The following ZNF133 variants were observed in gnomAD, a reference collection of about 807,000 sequenced individuals.
The protein encoded by ZNF133 is zinc finger protein 133.
In ZNF133, 26 loss-of-function variants were observed where a neutral mutation model predicts 54.9. The observed-to-expected ratio is 0.47, with a 90% CI of 0.35 to 0.66. The LOEUF is 0.66. ZNF133 is among the 30% of genes least tolerant of loss of function. The probability of loss-of-function intolerance (pLI) is 0.01; values close to 1 mark genes in which losing one functional copy is unlikely to be tolerated. For missense variants in ZNF133, 653 were observed against 820.8 expected (o/e 0.80, Z 2.50); for synonymous variants, 298 against 320.3 (o/e 0.93, Z 0.74).
chr20:18,311,975 T>G (rs1314276808), intron 6 of ZNF133, among the ~76,000 whole-genome samples: 1 of 152,224 alleles, frequency 6.6e-6, no homozygotes, highest in East Asian at 1.9e-4. Flanking sequence ...TCCAAAATGC[T>G]TAGGACCATA....
chr20:18,306,448 G>C (rs1005977174), intron 6 of ZNF133, 55 bp downstream of exon 6: 114 of 1,554,682 alleles, frequency 7.3e-5, no homozygotes, highest in Non-Finnish European at 9.4e-5. Flanking sequence ...TCAGAGGACT[G>C]GGGGAGAGGA....
intron 6 of ZNF133, among the ~76,000 whole-genome samples, chr20:18,312,075 A>G (rs560959868): frequency 1.3e-5 from 2 of 152,330 alleles, no homozygotes; most frequent in Admixed American, 6.5e-5. Context: ...TATCTTGGGT[A>G]TAGGACCCTA....
At position 18,308,094 on chromosome 20, in the gene ZNF133, T is replaced by A. The variant is rs6132045; in HGVS notation, c.217+1701T>A. Among the ~76,000 whole-genome samples the A allele has an allele frequency of 1.8e-3, 272 of 152,294 alleles. 5 individuals are homozygous for A. In the East Asian group the frequency reaches 0.05, roughly 28 times the overall value. On this transcript the variant is annotated intron_variant, in intron 6 of 6. Coordinates refer to ENST00000425686, the MANE Select transcript of ZNF133 (RefSeq NM_001352452.2). Reference sequence around the variant, plus strand: ...TTACTAGTGGTTACCTCTGTGGGGATAGAATTGGGGAGGGTTGGACAAGGG... The same window carrying A: ...TTACTAGTGGTTACCTCTGTGGGGAAAGAATTGGGGAGGGTTGGACAAGGG...
At chr20:18,298,576 T>A (rs2042700206) in intron 3 of ZNF133, 112 bp downstream of exon 3, 1 of 154,016 alleles carries the variant, frequency 6.5e-6, no homozygotes, top group Admixed American at 6.5e-5. Context: ...TCTGCATGGC[T>A]TGTGGGAGAC....
At chr20:18,311,813 G>A (rs2046058155) in intron 6 of ZNF133, among the ~76,000 whole-genome samples, 1 of 152,162 alleles carries the variant, frequency 6.6e-6, no homozygotes, top group Admixed American at 6.5e-5. Context: ...TTTGAGTAAA[G>A]TAATTGTAGA....
chr20:18,300,296 C>T (rs1233729773), intron 3 of ZNF133, among the ~76,000 whole-genome samples: 1 of 152,016 alleles, frequency 6.6e-6, no homozygotes, highest in South Asian at 2.1e-4. Flanking sequence ...AAGTGTAATC[C>T]CCTTGGTTAC....
At position 18,315,052 on chromosome 20, in the gene ZNF133, C is replaced by T. The variant is rs769801007; in HGVS notation, c.218-17C>T. 6.6e-7 allele frequency: 1 copy of T among 1,519,284 alleles called. No individual in the cohort carries two copies. Among genetic ancestry groups the T allele is most frequent in the Admixed American group, 2.2e-5 (1 of 45,096 alleles). 94.1% of individuals were successfully genotyped at this position (1,519,284 alleles called of 1,614,324 possible). A position where few individuals can be genotyped will look rare whatever the true frequency, so the allele number is the denominator to read the frequency against. On this transcript the variant is annotated splice_polypyrimidine_tract_variant and intron_variant, in intron 6 of 6. Coordinates refer to ENST00000425686, the MANE Select transcript of ZNF133 (RefSeq NM_001352452.2). ...CCACTGAGGACTCAGTTGTGACTCA[C>T]ACTTTTCTCTCTGCAGCAGATCCAG...
intron 1 of ZNF133, among the ~76,000 whole-genome samples, chr20:18,297,151 A>T (rs1184518513): frequency 6.6e-6 from 1 of 152,134 alleles, no homozygotes; most frequent in African/African-American, 2.4e-5. Flanking sequence ...AATTATATGA[A>T]TATTACTTCT....
At chr20:18,310,101 A>C (rs2045533120) in intron 6 of ZNF133, 1 of 1,246,078 alleles carries the variant, frequency 8.0e-7, no homozygotes, top group African/African-American at 1.5e-5. Flanking sequence ...CAAGCAGCTT[A>C]CCTATCATTG....
chr20:18,315,142 G>T lies in ZNF133; in HGVS notation c.291G>T (p.Gln97His). ...PGFSSQKFPM[Q>H]HVLCNHPPWI... ...TCTCCAGTCAGAAATTCCCCATGCA[G>T]CATGTGCTGTGTAATCATCCCCCCT... The change falls in exon 7 of 7, where the codon CAG becomes CAT. Residue 97 changes from glutamine to histidine, a missense_variant. Transcript: ENST00000425686. The T allele has an allele frequency of 6.2e-7, 1 of 1,602,110 alleles. No homozygotes were observed. The highest frequency in any genetic ancestry group is 8.5e-7 in the Non-Finnish European group (1 of 1,173,164).
intron 6 of ZNF133, 75 bp from the exon 7 acceptor site, chr20:18,314,994 A>C (rs1353092634): frequency 1.0e-5 from 15 of 1,448,498 alleles, no homozygotes; most frequent in Non-Finnish European, 1.3e-5. Flanking sequence ...TTTGAAGCCT[A>C]GGGGATCTGA....
At chr20:18,310,321 T>A (rs773809962) in intron 6 of ZNF133, 290 of 1,529,988 alleles carry the variant, frequency 1.9e-4, no homozygotes, top group Non-Finnish European at 2.4e-4. Context: ...AAAATACATC[T>A]TAACGGTTTC....
chr20:18,291,341 T>C (rs1389938180), intron 1 of ZNF133, among the ~76,000 whole-genome samples: 1 of 152,258 alleles, frequency 6.6e-6, no homozygotes, highest in Non-Finnish European at 1.5e-5. Context: ...GGGTTACCAA[T>C]GGTCTCCTTG....
chr20:18,298,625 G>T lies in ZNF133; in HGVS notation c.-178+161G>T, dbSNP rs571807074. ...AGGACCCTTTACTCCAAATATTGAG[G>T]ATCTGTGTTCTGATTGTTAATTGCT... On this transcript the variant is annotated intron_variant, in intron 3 of 6. Coordinates refer to ENST00000425686, the MANE Select transcript of ZNF133 (RefSeq NM_001352452.2). 2.0e-5 allele frequency among the ~76,000 whole-genome samples: 3 copies of T among 152,220 alleles called. No individual in the cohort carries two copies. In the East Asian group the frequency reaches 5.8e-4, roughly 29 times the overall value.
chr20:18,305,544 C>T lies in ZNF133; in HGVS notation c.-6-137C>T. On this transcript the variant is annotated intron_variant, in intron 4 of 6. Transcript: ENST00000425686. This position sits in a 1 kb window ranked among gnomAD's most constrained non-coding sequence, Gnocchi z 4.7. Reference sequence around the variant, plus strand: ...TGGATTGAGACAGGGATTTAAAAGTCTTGGAACACATGGCACCAGGGTCAC... The same window carrying T: ...TGGATTGAGACAGGGATTTAAAAGTTTTGGAACACATGGCACCAGGGTCAC... 1.6e-6 allele frequency: 2 copies of T among 1,283,778 alleles called. No homozygotes were observed. Among genetic ancestry groups the T allele is most frequent in the Admixed American group, 2.4e-5 (1 of 41,658 alleles). 79.5% of individuals were successfully genotyped at this position (1,283,778 alleles called of 1,614,324 possible).
intron 1 of ZNF133, chr20:18,295,310 T>G (rs1172027763): frequency 6.6e-6 from 1 of 152,356 alleles, no homozygotes; most frequent in Non-Finnish European, 1.5e-5. Flanking sequence ...TCATCCTCCT[T>G]GACTGAGTGT....
Position 18,316,139 on chromosome 20 carries a change from C to T in ZNF133, c.1288C>T (p.Arg430Trp), listed in dbSNP as rs1472398967. ...GAATTCAACCCTCATCTCTCACAGG[C>T]GGACACACACTGGGGAGAAGCCGTA... is the stretch of plus-strand genomic sequence containing the variant. ...SQNSTLISHRRTHTGEKPYVC... is the reference protein window; with the variant it reads ...SQNSTLISHRWTHTGEKPYVC... The change falls in exon 7 of 7, where the codon CGG (arginine) becomes TGG (tryptophan). Residue 430 changes from arginine to tryptophan, a missense_variant. Arg to Trp is a moderately radical substitution (Grantham distance 101). Transcript: ENST00000425686. The T allele has an allele frequency of 2.5e-6, 4 of 1,611,670 alleles. No homozygotes were observed. Among genetic ancestry groups the T allele is most frequent in the Non-Finnish European group, 3.4e-6 (4 of 1,178,802 alleles).
At chr20:18,309,053 A>T (rs1403763263) in intron 6 of ZNF133, among the ~76,000 whole-genome samples, 1 of 152,178 alleles carries the variant, frequency 6.6e-6, no homozygotes, top group East Asian at 1.9e-4. Flanking sequence ...ACAGATGGCC[A>T]CCTTCCCCCT....
chr20:18,299,809 C>T (rs569365829), intron 3 of ZNF133, among the ~76,000 whole-genome samples: 15 of 152,220 alleles, frequency 9.9e-5, no homozygotes, highest in South Asian at 2.1e-4. Context: ...TAAAAGAAAA[C>T]GAACAAACAA....
Sources: allele counts gnomAD v4.1 joint callset (sites outside exome capture counted in the v4.1 genomes callset), GRCh38; gene constraint gnomAD v4.1.1; non-coding constraint Gnocchi (gnomAD v3.1); transcripts MANE v1.5; gene names NCBI Gene and HGNC (gene_info 2026-07-23, HGNC 2026-07-21).